TFEC: variants seen among roughly 807,000 people sequenced by gnomAD.
The protein encoded by TFEC is class E basic helix-loop-helix protein 34.
Under a neutral mutation model 41.6 loss-of-function variants are expected in TFEC, and 31 were observed. The observed-to-expected ratio is 0.74, with a 90% CI of 0.56 to 1.01. The LOEUF is 1.01. Among genes scored for constraint, TFEC ranks in the 50% least tolerant of loss-of-function variants. TFEC has a pLI of 0.00. For synonymous variants in TFEC, 143 were observed against 140.6 expected (o/e 1.02, Z -0.12); for missense variants, 402 against 404.1 (o/e 0.99, Z 0.04).
chr7:116,094,497 G>A (rs1023617704), intron 3 of TFEC, among the ~76,000 whole-genome samples: 1 of 151,950 alleles, frequency 6.6e-6, no homozygotes, highest in African/African-American at 2.4e-5. Context: ...TGGCTAATAT[G>A]ATGAAATCCC....
chr7:116,082,106 A>C (rs1797104995), intron 3 of TFEC, among the ~76,000 whole-genome samples: 1 of 152,042 alleles, frequency 6.6e-6, no homozygotes, highest in South Asian at 2.1e-4. Flanking sequence ...AACTTTATTC[A>C]TCTTTGAATT....
At chr7:115,986,939 T>A (rs186249928) in intron 1 of TFEC, among the ~76,000 whole-genome samples, 243 of 151,318 alleles carry the variant, frequency 1.6e-3, no homozygotes, top group African/African-American at 5.6e-3. Context: ...AAAAAGAAAA[T>A]CTCAAATAGA....
chr7:115,941,832 A>G, intron 7 of TFEC, 61 bp downstream of exon 7: 1 of 1,488,500 alleles, frequency 6.7e-7, no homozygotes, highest in Non-Finnish European at 9.0e-7. Context: ...CAATGAAGAA[A>G]ACTGATGACA....
intron 6 of TFEC, among the ~76,000 whole-genome samples, chr7:115,948,467 G>C (rs1290714470): frequency 6.6e-6 from 1 of 152,084 alleles, no homozygotes; most frequent in Non-Finnish European, 1.5e-5. Flanking sequence ...CTGGCAAACT[G>C]AATCCAGCAG....
intron 2 of TFEC, among the ~76,000 whole-genome samples, chr7:115,978,770 C>A (rs1054841963): frequency 2.6e-5 from 4 of 152,170 alleles, no homozygotes. Flanking sequence ...CTCCCTCCTT[C>A]TCTAAACTAA....
intron 6 of TFEC, among the ~76,000 whole-genome samples, chr7:115,944,909 A>T (rs555675177): frequency 6.6e-6 from 1 of 151,268 alleles, no homozygotes; most frequent in South Asian, 2.2e-4. Context: ...TCATATTTTC[A>T]ATGCTATTCT....
chr7:116,032,613 T>C (rs1053471046), upstream of TFEC, among the ~76,000 whole-genome samples: 1 of 152,114 alleles, frequency 6.6e-6, no homozygotes, highest in Non-Finnish European at 1.5e-5. Context: ...TTCTCTCTTA[T>C]AAGTGGGAGC....
At chr7:116,104,706 G>A (rs1797677163) in intron 3 of TFEC, among the ~76,000 whole-genome samples, 1 of 150,562 alleles carries the variant, frequency 6.6e-6, no homozygotes, top group Non-Finnish European at 1.5e-5. Flanking sequence ...AGTATGTAAA[G>A]TATAATATAC....
In TFEC at chr7:116,151,235, C is replaced by A. The variant is rs1584576288; in HGVS notation, c.-69+8555G>T. 4.1e-5 allele frequency among the ~76,000 whole-genome samples: 6 copies of A among 145,850 alleles called. No individual in the cohort carries two copies. In the South Asian group the frequency reaches 8.7e-4, roughly 21 times the overall value. On this transcript the variant is annotated intron_variant, in intron 1 of 8. Coordinates refer to the TFEC transcript ENST00000484212. ...TAGAATATTTCCTTTGATATTATGT[C>A]AGATTTTTTTTTTTTTTTTTTTTTT...
chr7:116,041,874 C>T (rs1168594633), intron 3 of TFEC, among the ~76,000 whole-genome samples: 1 of 152,150 alleles, frequency 6.6e-6, no homozygotes, highest in Admixed American at 6.6e-5. Context: ...CCTTCCAGGA[C>T]AGAGCTGCAT....
At chr7:116,005,854 C>A (rs1037330914) in intron 1 of TFEC, among the ~76,000 whole-genome samples, 4 of 152,166 alleles carry the variant, frequency 2.6e-5, no homozygotes, top group African/African-American at 9.7e-5. Context: ...CCCAGGGTCC[C>A]CATGCTGTAT....
chr7:115,956,976 A>T (rs1223280542), intron 3 of TFEC, among the ~76,000 whole-genome samples, 183 bp from the exon 4 acceptor site: 4 of 151,970 alleles, frequency 2.6e-5, no homozygotes, highest in Non-Finnish European at 4.4e-5. Flanking sequence ...GCATTATAAA[A>T]TGCTTACAGA....
At chr7:116,154,877 T>C (rs991373970) in intron 1 of TFEC, among the ~76,000 whole-genome samples, 1 of 152,178 alleles carries the variant, frequency 6.6e-6, no homozygotes, top group African/African-American at 2.4e-5. Flanking sequence ...CTCTTTGTTT[T>C]GTGGTGGTAT....
At chr7:116,011,622 C>G (rs986727130) in intron 1 of TFEC, among the ~76,000 whole-genome samples, 7 of 152,066 alleles carry the variant, frequency 4.6e-5, no homozygotes, top group Admixed American at 4.6e-4. Context: ...GGTTATATTA[C>G]TAAGCATATT....
At chr7:115,945,958 G>C (rs1791518192) in intron 6 of TFEC, among the ~76,000 whole-genome samples, 1 of 151,600 alleles carries the variant, frequency 6.6e-6, no homozygotes, top group African/African-American at 2.4e-5. Flanking sequence ...TGCAAAGCTT[G>C]AAATATTTAC....
At chr7:115,959,641 C>G (rs1451870662) in intron 3 of TFEC, among the ~76,000 whole-genome samples, 1 of 150,662 alleles carries the variant, frequency 6.6e-6, no homozygotes, top group Non-Finnish European at 1.5e-5. Context: ...GAACAGTAAA[C>G]ATAATGACCA....
intron 2 of TFEC, chr7:116,111,906 C>T: frequency 4.9e-6 from 3 of 614,150 alleles, no homozygotes; most frequent in Non-Finnish European, 6.1e-6. Flanking sequence ...TCATACCACA[C>T]CCTGGTAAAT....
At position 115,974,431 on chromosome 7, in the gene TFEC, TATATATATATATATATATAA is replaced by T. The variant is rs1284687588; in HGVS notation, c.181-195_181-176del. Reference sequence around the variant, plus strand: ...TTATATATATATATATATATATATATATATATATATATATATATAAAAACACAGATTACTTTAGCATTGAA... The same window carrying T: ...TTATATATATATATATATATATATATAAACACAGATTACTTTAGCATTGAA... On this transcript the variant is annotated intron_variant, in intron 2 of 7. Coordinates refer to ENST00000265440, the MANE Select transcript of TFEC (RefSeq NM_012252.4). Among the ~76,000 whole-genome samples, 52 of 56,742 alleles carry T rather than the reference TATATATATATATATATATAA, an allele frequency of 9.2e-4. 2 individuals carry two copies. The highest frequency in any genetic ancestry group is 1.5e-3 in the Admixed American group (7 of 4,710). 37.2% of individuals were successfully genotyped at this position (56,742 alleles called of 152,430 possible).
intron 7 of TFEC, chr7:115,941,652 C>T (rs1793507027): frequency 2.1e-6 from 1 of 487,218 alleles, no homozygotes. Flanking sequence ...CACATATATA[C>T]ACATATATGT....
Sources: allele counts gnomAD v4.1 joint callset (sites outside exome capture counted in the v4.1 genomes callset), GRCh38; gene constraint gnomAD v4.1.1; transcripts MANE v1.5; gene names NCBI Gene and HGNC (gene_info 2026-07-23, HGNC 2026-07-21).